The following EFCAB8 variants were observed in gnomAD, a reference collection of about 807,000 sequenced individuals.
EFCAB8 encodes the protein EF-hand calcium binding domain 8.
In EFCAB8, 100 loss-of-function variants were observed where a neutral mutation model predicts 116.3. The ratio of observed to expected loss-of-function variants is 0.86; its 90% CI spans 0.73 to 1.02. The LOEUF (loss-of-function observed/expected upper bound fraction) is 1.02, where lower values mean the gene tolerates loss of function less well. EFCAB8 is among the 50% of genes least tolerant of loss of function. The pLI, the probability that EFCAB8 is intolerant of heterozygous loss-of-function variation, is 0.00. For missense variants in EFCAB8, 1,320 were observed against 1,416.9 expected, an observed-to-expected ratio of 0.93 and a Z score of 1.10; for synonymous variants, 558 against 567.9, an observed-to-expected ratio of 0.98 and a Z score of 0.25.
chr20:32,948,675 A>G (rs1307114679), intron 23 of EFCAB8, among the ~76,000 whole-genome samples: 1 of 152,186 alleles, frequency 6.6e-6, no homozygotes, highest in Non-Finnish European at 1.5e-5. Flanking sequence ...AAATCCAGCA[A>G]TGATCACATA....
Position 32,930,398 on chromosome 20 carries a change from A to G in EFCAB8, c.2413A>G (p.Ile805Val), listed in dbSNP as rs1288926873. 5 of 1,549,902 alleles carry G rather than the reference A, an allele frequency of 3.2e-6. No homozygotes were observed. The highest frequency in any genetic ancestry group is 1.2e-5 in the South Asian group (1 of 84,014). Residue 805 changes from isoleucine (I) to valine (V), a missense_variant and splice_region_variant, in exon 21 of 27, where the codon ATA becomes GTA. Physicochemically the swap from Ile to Val is conservative, Grantham distance 29. Coordinates refer to ENST00000400522, the MANE Select transcript of EFCAB8 (RefSeq NM_001143967.2). The part of the protein sequence containing the change: ...LVQSSASVEK[I>V]IFLQTRPRLP... Reference sequence around the variant, plus strand: ...AGCCGGGCCCTCCTCTCTTCCTCAGATAATCTTCCTGCAGACCAGGCCTCG... The same window carrying G: ...AGCCGGGCCCTCCTCTCTTCCTCAGGTAATCTTCCTGCAGACCAGGCCTCG...
intron 20 of EFCAB8, among the ~76,000 whole-genome samples, chr20:32,925,221 CTTAT>C (rs1408644557): frequency 6.6e-6 from 1 of 151,958 alleles, no homozygotes; most frequent in Non-Finnish European, 1.5e-5. Flanking sequence ...TTTAATTTTA[CTTAT>C]TTATTTATTT....
intron 3 of EFCAB8, among the ~76,000 whole-genome samples, chr20:32,874,968 C>T (rs1267752086): frequency 6.6e-6 from 1 of 151,928 alleles, no homozygotes; most frequent in Non-Finnish European, 1.5e-5. Flanking sequence ...AGGCTGGTCT[C>T]GAACTCCTAG....
chr20:32,895,568 T>C (rs760167361), intron 9 of EFCAB8, among the ~76,000 whole-genome samples: 23 of 146,436 alleles, frequency 1.6e-4, no homozygotes, highest in Non-Finnish European at 3.3e-4. Flanking sequence ...TTTTTCTTTC[T>C]TTCTTTCTTT....
In EFCAB8 at chr20:32,943,773, C is replaced by T. The variant is rs1988485842; in HGVS notation, c.2928C>T (p.Val976=). 2.4e-6 allele frequency: 1 copy of T among 416,736 alleles called. No homozygotes were observed. Among genetic ancestry groups the T allele is most frequent in the South Asian group, 1.3e-4 (1 of 7,946 alleles). The allele number at this position is 416,736 out of a possible 1,614,324, so 25.8% of individuals were successfully genotyped here. A position where few individuals can be genotyped will look rare whatever the true frequency, so the allele number is the denominator to read the frequency against. The change falls in exon 23 of 27, where the codon GTC becomes GTT. Residue 976 remains valine (V), a synonymous_variant. Coordinates refer to ENST00000400522, the MANE Select transcript of EFCAB8 (RefSeq NM_001143967.2). ...TCAGCGCTGGCCAGGACCGGGACGT[C>T]AAGGCTTGGAAACTCTCCGGTGATG... The part of the protein sequence containing the change: ...LVISAGQDRD[V]KAWKLSGDAI...
At chr20:32,866,851 T>TTCTC (rs566572880) in intron 2 of EFCAB8, among the ~76,000 whole-genome samples, 2 of 148,114 alleles carry the variant, frequency 1.4e-5, no homozygotes, top group Non-Finnish European at 3.0e-5. Flanking sequence ...CTTCCTTTCT[T>TTCTC]TCTCTCTCTC....
At chr20:32,890,347 G>A (rs886901300) in intron 7 of EFCAB8, among the ~76,000 whole-genome samples, 1 of 152,152 alleles carries the variant, frequency 6.6e-6, no homozygotes, top group Non-Finnish European at 1.5e-5. Flanking sequence ...ACTTCCTCCA[G>A]GAAGCCCTCC....
intron 4 of EFCAB8, 134 bp from the exon 5 acceptor site, chr20:32,878,570 T>C (rs1985125659): frequency 3.8e-6 from 2 of 520,578 alleles, no homozygotes; most frequent in South Asian, 4.3e-5. Flanking sequence ...GACTGCGGAC[T>C]GCAGTGGCGC....
intron 23 of EFCAB8, among the ~76,000 whole-genome samples, chr20:32,956,594 AT>A (rs1219564254): frequency 6.6e-6 from 1 of 152,098 alleles, no homozygotes; most frequent in Admixed American, 6.5e-5. Flanking sequence ...TTCTTTCAGC[AT>A]TTAAAAAAAT....
chr20:32,909,287 T>G (rs1986813779), intron 14 of EFCAB8, among the ~76,000 whole-genome samples: 1 of 152,210 alleles, frequency 6.6e-6, no homozygotes, highest in Admixed American at 6.5e-5. Context: ...TAAATAGGCC[T>G]TTGAAGTTCA....
At chr20:32,876,840 C>T (rs996534394) in intron 4 of EFCAB8, among the ~76,000 whole-genome samples, 5 of 152,024 alleles carry the variant, frequency 3.3e-5, no homozygotes, top group Admixed American at 1.3e-4. Context: ...TGGTGGTGCA[C>T]GCCTATAGTC....
chr20:32,930,381 C>T lies in EFCAB8; in HGVS notation c.2413-17C>T, dbSNP rs1238785452. ...GGCTCACAGCCCTGCTGAGCCGGGC[C>T]CTCCTCTCTTCCTCAGATAATCTTC... On this transcript the variant is annotated splice_polypyrimidine_tract_variant and intron_variant, in intron 20 of 26. Transcript: ENST00000400522. 1.9e-6 allele frequency: 3 copies of T among 1,546,338 alleles called. No individual in the cohort carries two copies. In the Admixed American group the frequency reaches 5.9e-5, roughly 30 times the overall value.
At chr20:32,865,322 C>T (rs113568081) in intron 2 of EFCAB8, among the ~76,000 whole-genome samples, 12 of 151,580 alleles carry the variant, frequency 7.9e-5, no homozygotes, top group South Asian at 2.1e-4. Context: ...GGGAGACACA[C>T]GTGAGTAAGC....
intron 11 of EFCAB8, chr20:32,903,620 G>A (rs904255279): frequency 6.6e-5 from 10 of 152,252 alleles, no homozygotes; most frequent in African/African-American, 2.4e-4. Context: ...GCACATATAC[G>A]TGTGGAGGGA....
chr20:32,914,179 C>T (rs1568926909), intron 17 of EFCAB8, among the ~76,000 whole-genome samples: 1 of 152,260 alleles, frequency 6.6e-6, no homozygotes, highest in African/African-American at 2.4e-5. Flanking sequence ...CCATGGTCCA[C>T]AGGAGCCACA....
intron 20 of EFCAB8, among the ~76,000 whole-genome samples, chr20:32,922,538 A>G (rs1199543945): frequency 6.6e-6 from 1 of 152,176 alleles, no homozygotes; most frequent in South Asian, 2.1e-4. Context: ...ACCAGCAAAT[A>G]AAATAAAGGG....
intron 20 of EFCAB8, among the ~76,000 whole-genome samples, chr20:32,924,148 G>A (rs1301892647): frequency 6.6e-6 from 1 of 152,102 alleles, no homozygotes; most frequent in Non-Finnish European, 1.5e-5. Flanking sequence ...CCACTTCCCA[G>A]GCTCAAGCGA....
intron 23 of EFCAB8, 143 bp downstream of exon 23, chr20:32,943,947 G>A: frequency 2.5e-6 from 1 of 401,516 alleles, no homozygotes; most frequent in Non-Finnish European, 4.4e-6. Flanking sequence ...TAATATTACA[G>A]TCTGTCCAAT....
In EFCAB8 at chr20:32,867,574, C is replaced by T. The variant is rs769126688; in HGVS notation, c.43-8C>T. 62 of 1,550,672 alleles carry T rather than the reference C, an allele frequency of 4.0e-5. No individual in the cohort carries two copies. Among genetic ancestry groups the T allele is most frequent in the African/African-American group, 1.5e-4 (11 of 72,996 alleles). On this transcript the variant is annotated splice_region_variant and splice_polypyrimidine_tract_variant and intron_variant, in intron 2 of 26. Coordinates refer to ENST00000400522, the MANE Select transcript of EFCAB8 (RefSeq NM_001143967.2). ...CTCAGTCCCTGGTTCTTGTTATATT[C>T]GTTCCAGCTGTCCATCCCACATGGC...
Sources: allele counts gnomAD v4.1 joint callset (sites outside exome capture counted in the v4.1 genomes callset), GRCh38; gene constraint gnomAD v4.1.1; transcripts MANE v1.5; gene names NCBI Gene and HGNC (gene_info 2026-07-23, HGNC 2026-07-21).